PCDHA2: variants seen among roughly 807,000 people sequenced by gnomAD.
PCDHA2 encodes the protein protocadherin alpha-2.
Under a neutral mutation model 66.0 loss-of-function variants are expected in PCDHA2, and 58 were observed. The ratio of observed to expected loss-of-function variants is 0.88; its 90% confidence interval spans 0.71 to 1.09. PCDHA2 has a LOEUF of 1.09. Ranked by LOEUF, PCDHA2 falls within the 50% of genes least tolerant of loss-of-function variation. The probability of loss-of-function intolerance (pLI) is 0.00; values close to 1 mark genes in which losing one functional copy is unlikely to be tolerated. For synonymous variants in PCDHA2, 634 were observed against 554.0 expected (o/e 1.14, Z -2.03); for missense variants, 1,267 against 1,242.3 (o/e 1.02, Z -0.30).
chr5:140,875,441 T>C (rs781902185), intron 1 of PCDHA2: 1 of 1,570,886 alleles, frequency 6.4e-7, no homozygotes, highest in Admixed American at 1.9e-5. Flanking sequence ...TTAAAACTGA[T>C]TGTCCCAACT....
chr5:140,937,544 G>A (rs1584916814), intron 1 of PCDHA2, among the ~76,000 whole-genome samples: 1 of 151,510 alleles, frequency 6.6e-6, no homozygotes, highest in South Asian at 2.1e-4. Flanking sequence ...TTGAACCTGC[G>A]AGGCAGAGGT....
At chr5:141,003,536 C>T (rs1409675219) in intron 3 of PCDHA2, among the ~76,000 whole-genome samples, 1 of 152,152 alleles carries the variant, frequency 6.6e-6, no homozygotes, top group Non-Finnish European at 1.5e-5. Context: ...TGGTCTTGAA[C>T]TCCTGGCTTC....
intron 1 of PCDHA2, chr5:140,848,358 G>A: frequency 9.5e-7 from 1 of 1,051,266 alleles, no homozygotes; most frequent in East Asian, 2.4e-5. Flanking sequence ...CTTTTCCCAT[G>A]GGAAAGAGGC....
Position 140,795,136 on chromosome 5 carries a change from G to A in PCDHA2, c.172G>A (p.Glu58Lys), listed in dbSNP as rs377636774. 1 of 1,614,088 alleles carries A rather than the reference G, an allele frequency of 6.2e-7. No individual in the cohort carries two copies. The highest frequency in any genetic ancestry group is 8.5e-7 in the Non-Finnish European group (1 of 1,180,038). ...IAQDLGLELE[E>K]LVPRLFRVAS... ...GCAGGACCTGGGGCTGGAGCTGGAG[G>A]AGCTGGTGCCGCGCCTGTTCCGGGT... The change falls in exon 1 of 4, where the codon GAG (glutamate) becomes AAG (lysine). Residue 58 changes from glutamate (E) to lysine (K), a missense_variant. Coordinates refer to ENST00000526136, the MANE Select transcript of PCDHA2 (RefSeq NM_018905.3).
chr5:140,952,081 A>G (rs1554220214), intron 1 of PCDHA2, among the ~76,000 whole-genome samples: 3 of 152,064 alleles, frequency 2.0e-5, no homozygotes. Flanking sequence ...CATTGACTCC[A>G]TGTCTCACAT....
At chr5:140,846,712 C>G (rs1014332332) in intron 1 of PCDHA2, among the ~76,000 whole-genome samples, 1 of 149,228 alleles carries the variant, frequency 6.7e-6, no homozygotes, top group Non-Finnish European at 1.5e-5. Context: ...ATTGTAATAA[C>G]CAGTCTTCAT....
At position 140,849,790 on chromosome 5, in the gene PCDHA2, C is replaced by T. The variant is rs2150450402; in HGVS notation, c.2388+52438C>T. The T allele has an allele frequency of 6.1e-5, 97 of 1,598,120 alleles. 10 individuals are homozygous for T. Among genetic ancestry groups the T allele is most frequent in the Middle Eastern group, 1.7e-4 (1 of 5,854 alleles). On this transcript the variant is annotated intron_variant, in intron 1 of 3. Transcript: ENST00000526136. The stretch of plus-strand genomic sequence containing the variant: ...GTGGTTACCGCGCGGGACGGGGGCT[C>T]GCCTTCACTGTGGGCCACGGCCAGG...
chr5:140,945,659 G>C (rs2093824580), intron 1 of PCDHA2, among the ~76,000 whole-genome samples: 1 of 152,090 alleles, frequency 6.6e-6, no homozygotes, highest in Non-Finnish European at 1.5e-5. Context: ...GCAGAATACA[G>C]CTCCCAGAAA....
chr5:140,911,033 G>A lies in PCDHA2; in HGVS notation c.2389-67916G>A, dbSNP rs188656147. 2.0e-3 allele frequency among the ~76,000 whole-genome samples: 306 copies of A among 152,188 alleles called. 2 individuals are homozygous for A. The highest frequency in any genetic ancestry group is 7.0e-3 in the African/African-American group (291 of 41,532). On this transcript the variant is annotated intron_variant, in intron 1 of 3. Transcript: ENST00000526136. ...GGACTTTAGTCTAGTTATAGGTCTA[G>A]AAGCAAACAGGGGTGGTGGGGGGTG...
At chr5:140,850,282 C>T (rs2150477546) in intron 1 of PCDHA2, 2 of 1,595,502 alleles carry the variant, frequency 1.3e-6, no homozygotes, top group African/African-American at 2.7e-5. Context: ...AAGGTGCGCG[C>T]AGTGGACGCC....
Position 140,795,714 on chromosome 5 carries a change from A to G in PCDHA2, c.750A>G (p.Lys250=), listed in dbSNP as rs73278777. The G allele has an allele frequency of 6.2e-7, 1 of 1,614,128 alleles. No individual in the cohort carries two copies. The highest frequency in any genetic ancestry group is 1.3e-5 in the African/African-American group (1 of 75,042). Reference sequence around the variant, plus strand: ...TTGCCCAATCAGTTTACAAAGTAAAATTGTTAGAGAATACGGCAAATGGGA... The same window carrying G: ...TTGCCCAATCAGTTTACAAAGTAAAGTTGTTAGAGAATACGGCAAATGGGA... ...PTFAQSVYKV[K]LLENTANGTL... is the part of the protein sequence containing the mutation. The change falls in exon 1 of 4, where the codon AAA becomes AAG. Residue 250 remains lysine, a synonymous_variant. Coordinates refer to ENST00000526136, the MANE Select transcript of PCDHA2 (RefSeq NM_018905.3).
At chr5:140,892,158 T>C (rs1442080527) in intron 1 of PCDHA2, among the ~76,000 whole-genome samples, 1 of 152,242 alleles carries the variant, frequency 6.6e-6, no homozygotes, top group Non-Finnish European at 1.5e-5. Context: ...ATTTCTGATA[T>C]GTCCAGTAAC....
chr5:140,869,233 T>G (rs782097851), intron 1 of PCDHA2: 7 of 1,613,700 alleles, frequency 4.3e-6, no homozygotes, highest in Non-Finnish European at 5.9e-6. Context: ...ACACGGCACC[T>G]TCGTGGGCCG....
At chr5:140,857,833 A>C (rs1554150723) in intron 1 of PCDHA2, 1 of 1,597,676 alleles carries the variant, frequency 6.3e-7, no homozygotes. Context: ...AGGTGCGCGC[A>C]GTGGACGCTG....
intron 1 of PCDHA2, chr5:140,827,885 TTTC>T (rs1178220618): frequency 1.5e-6 from 1 of 684,818 alleles, no homozygotes; most frequent in Non-Finnish European, 2.5e-6. Context: ...CGTGAATTGA[TTTC>T]TTACCTTTTG....
intron 1 of PCDHA2, chr5:140,842,268 A>C: frequency 6.2e-7 from 1 of 1,610,534 alleles, no homozygotes; most frequent in South Asian, 1.1e-5. Context: ...GAAAACTTAT[A>C]CAAAATCCTC....
At position 140,927,644 on chromosome 5, in the gene PCDHA2, T is replaced by C. The variant is rs370145398; in HGVS notation, c.2389-51305T>C. On this transcript the variant is annotated intron_variant, in intron 1 of 3. Coordinates refer to ENST00000526136, the MANE Select transcript of PCDHA2 (RefSeq NM_018905.3). The stretch of plus-strand genomic sequence containing the variant: ...CCAGAGACTGCACCCAATGGGACTG[T>C]GTTATTCCGAGTTCAAGCCTTGGAT... The C allele has an allele frequency of 4.6e-5, 74 of 1,614,028 alleles. 1 individual carries two copies. Among genetic ancestry groups the C allele is most frequent in the Non-Finnish European group, 5.8e-5 (68 of 1,180,020 alleles).
intron 1 of PCDHA2, chr5:140,968,679 A>T: frequency 6.2e-7 from 1 of 1,614,176 alleles, no homozygotes; most frequent in South Asian, 1.1e-5. Flanking sequence ...GTAGAGCTGC[A>T]CACAGGAGAA....
chr5:140,877,016 G>A (rs781790454), intron 1 of PCDHA2: 2 of 1,612,362 alleles, frequency 1.2e-6, no homozygotes, highest in Non-Finnish European at 1.7e-6. Context: ...GCGGAGAGCG[G>A]CAAGGTGTAC....
Sources: allele counts gnomAD v4.1 joint callset (sites outside exome capture counted in the v4.1 genomes callset), GRCh38; gene constraint gnomAD v4.1.1; transcripts MANE v1.5; gene names NCBI Gene and HGNC (gene_info 2026-07-23, HGNC 2026-07-21).